DST: variants seen among roughly 807,000 people sequenced by gnomAD.
DST encodes dystonin.
A neutral mutation model predicts 875.2 loss-of-function variants in DST; 253 were observed. That is an observed-to-expected ratio of 0.29 (90% confidence interval 0.26 to 0.32). DST has a LOEUF of 0.32. Ranked by LOEUF, DST falls within the 10% of genes least tolerant of loss-of-function variation. DST has a pLI of 1.00. For synonymous variants in DST, 3,124 were observed against 3,197.1 expected (o/e 0.98, Z 0.77); for missense variants, 8,287 against 9,111.6 (o/e 0.91, Z 3.68).
rs992393429 is a variant in DST at position 56,605,289 on chromosome 6, A to T, written c.9339T>A (p.Thr3113=). ...TATTTGGTTCATCTTTAAGAGTTAC[A>T]GTTGCTTTTTTAAGGCTTCCTTTCT... ...LNQKGSLKKA[T]VTLKDEPNNL... Residue 3113 remains threonine, a synonymous_variant, in exon 40 of 104, where the codon ACT becomes ACA. Transcript: ENST00000680361. 1.9e-6 allele frequency: 3 copies of T among 1,611,502 alleles called. No individual in the cohort carries two copies. Among genetic ancestry groups the T allele is most frequent in the Middle Eastern group, 1.7e-4 (1 of 6,044 alleles).
At chr6:56,480,063 A>C (rs1202695822) in intron 90 of DST, among the ~76,000 whole-genome samples, 1 of 152,182 alleles carries the variant, frequency 6.6e-6, no homozygotes, top group Non-Finnish European at 1.5e-5. Flanking sequence ...AGATTAAAAG[A>C]CTGTGTTTTA....
At chr6:56,811,065 T>C (rs138517902) in intron 4 of DST, among the ~76,000 whole-genome samples, 2,825 of 151,158 alleles carry the variant, frequency 0.019, 77 homozygotes, top group African/African-American at 0.065. Context: ...GCACCTGTAG[T>C]CCCAGCTACT....
chr6:56,816,235 C>T (rs1166637371), intron 4 of DST, among the ~76,000 whole-genome samples: 1 of 152,170 alleles, frequency 6.6e-6, no homozygotes, highest in Non-Finnish European at 1.5e-5. Context: ...GGTTCAATAA[C>T]ATGAGGTAAA....
At position 56,476,223 on chromosome 6, in the gene DST, T is replaced by C. The variant is rs1371340365; in HGVS notation, c.21790A>G (p.Thr7264Ala). 1.2e-6 allele frequency: 2 copies of C among 1,612,644 alleles called. No individual in the cohort carries two copies. The highest frequency in any genetic ancestry group is 1.7e-6 in the Non-Finnish European group (2 of 1,179,304). ...ACTTCTTTATCCTTATCAGTAAGTG[T>C]AGTTTCAGCCCATTGCAACCAAGCC... ...LLAWLQWAET[T>A]LTDKDKEVIP... The change falls in exon 92 of 104, where the codon ACA (threonine) becomes GCA (alanine). Residue 7264 changes from threonine to alanine, a missense_variant. Physicochemically the swap from Thr to Ala is moderately conservative, Grantham distance 58. Around this residue, in one of 10 missense-constraint regions of DST, gnomAD observed 1,292 missense variants for 1,552.7 expected, o/e 0.83. Transcript: ENST00000680361.
intron 2 of DST, among the ~76,000 whole-genome samples, chr6:56,924,977 C>T (rs1052571401): frequency 6.6e-6 from 1 of 152,088 alleles, no homozygotes; most frequent in African/African-American, 2.4e-5. Flanking sequence ...CAGCTTATTC[C>T]TTTTATAATT....
Position 56,509,518 on chromosome 6 carries a change from A to C in DST, c.19012+124T>G, listed in dbSNP as rs2096421256. ...TTTGCATACACAGCCCTTCAACCCT[A>C]AACACATCACATTTGTAGTATCTTT... On this transcript the variant is annotated intron_variant, in intron 74 of 103. Transcript: ENST00000680361. 8 of 731,362 alleles carry C rather than the reference A, an allele frequency of 1.1e-5. No individual in the cohort carries two copies. The East Asian group carries it at 2.2e-4, about 20-fold the overall frequency. The allele number at this position is 731,362 out of a possible 1,614,324, so 45.3% of individuals were successfully genotyped here.
intron 4 of DST, among the ~76,000 whole-genome samples, chr6:56,783,669 T>G (rs895463350): frequency 6.6e-6 from 1 of 152,132 alleles, no homozygotes; most frequent in Non-Finnish European, 1.5e-5. Context: ...GGGTCTTGAC[T>G]CTTGATCCAA....
chr6:56,556,513 T>G (rs1323113341), intron 59 of DST, among the ~76,000 whole-genome samples: 1 of 152,178 alleles, frequency 6.6e-6, no homozygotes, highest in East Asian at 1.9e-4. Context: ...TAGAGGCAAT[T>G]ATTTCTCCCC....
intron 50 of DST, among the ~76,000 whole-genome samples, chr6:56,575,762 G>A (rs1328448222): frequency 6.6e-6 from 1 of 152,090 alleles, no homozygotes; most frequent in Non-Finnish European, 1.5e-5. Flanking sequence ...GACACTAAGA[G>A]AATCTTTTGT....
intron 4 of DST, among the ~76,000 whole-genome samples, chr6:56,828,652 G>A (rs2099783599): frequency 6.6e-6 from 1 of 152,194 alleles, no homozygotes. Flanking sequence ...TTAGTTTAGA[G>A]CTTGCTTTTT....
At chr6:56,948,576 A>C (rs1820814017) in intron 2 of DST, among the ~76,000 whole-genome samples, 1 of 152,182 alleles carries the variant, frequency 6.6e-6, no homozygotes, top group Non-Finnish European at 1.5e-5. Flanking sequence ...TTTCCACTCA[A>C]TATTTTCACA....
chr6:56,604,144 T>C lies in DST; in HGVS notation c.10484A>G (p.Lys3495Arg), dbSNP rs572236661. 2.5e-6 allele frequency: 4 copies of C among 1,586,708 alleles called. No homozygotes were observed. The African/African-American group carries it at 4.0e-5, about 16-fold the overall frequency. ...CTCTGAATATCCATCAGCAAGCAGT[T>C]TGTAGAAAATATTTTCAAGCTGCAG... ...LPLQLENIFYKLLADGYSEKI... is the reference protein window; with the variant it reads ...LPLQLENIFYRLLADGYSEKI... Residue 3495 changes from lysine (K) to arginine (R), a missense_variant, in exon 40 of 104, where the codon AAA (lysine) becomes AGA (arginine). Lys to Arg is a conservative substitution (Grantham distance 26). Around this residue, in one of 10 missense-constraint regions of DST, gnomAD observed 3,138 missense variants for 3,116.6 expected, o/e 1.01. Coordinates refer to ENST00000680361, the MANE Select transcript of DST (RefSeq NM_001374736.1).
rs757629921 is a variant in DST at position 56,629,386 on chromosome 6, A to G, written c.4339T>C (p.Leu1447=). 6 of 1,613,654 alleles carry G rather than the reference A, an allele frequency of 3.7e-6. No homozygotes were observed. The highest frequency in any genetic ancestry group is 5.1e-6 in the Non-Finnish European group (6 of 1,179,750). ...TCACTGATGGCTTTAGCTTTCTGCA[A>G]CTCATCCTCTAAGGCATGGAATACC... ...RQVFHALEDE[L]QKAKAISDEM... Residue 1447 remains leucine (L), a synonymous_variant, in exon 32 of 104, where the codon TTG becomes CTG. Coordinates refer to ENST00000680361, the MANE Select transcript of DST (RefSeq NM_001374736.1).
Position 56,604,442 on chromosome 6 carries a change from A to T in DST, c.10186T>A (p.Ser3396Thr). 1 of 1,609,382 alleles carries T rather than the reference A, an allele frequency of 6.2e-7. No homozygotes were observed. Among genetic ancestry groups the T allele is most frequent in the Non-Finnish European group, 8.5e-7 (1 of 1,177,292 alleles). ...IQNLIKRITT[S>T]QLVNEASTVP... ...GTAGATGCCTCATTTACCAACTGTG[A>T]TGTGGTAATCCTTTTAATTAAATTT... The change falls in exon 40 of 104, where the codon TCA (serine) becomes ACA (threonine). Residue 3396 changes from serine (S) to threonine (T), a missense_variant. Coordinates refer to ENST00000680361, the MANE Select transcript of DST (RefSeq NM_001374736.1).
rs2096799012 is a variant in DST, at chr6:56,526,478, C to T, written c.18012G>A (p.Arg6004=). 2 of 1,613,832 alleles carry T rather than the reference C, an allele frequency of 1.2e-6. No individual in the cohort carries two copies. The highest frequency in any genetic ancestry group is 8.5e-7 in the Non-Finnish European group (1 of 1,179,798). Reference sequence around the variant, plus strand: ...CCATTTTCTCAAGTCCTTCTCTTGCCCTCCATGGTACCAGTTCCAGCAAAG... The same window carrying T: ...CCATTTTCTCAAGTCCTTCTCTTGCTCTCCATGGTACCAGTTCCAGCAAAG... ...SSALLELVPW[R]AREGLEKMVA... The change falls in exon 69 of 104, where the codon AGG becomes AGA. Residue 6004 remains arginine (R), a synonymous_variant. Coordinates refer to ENST00000680361, the MANE Select transcript of DST (RefSeq NM_001374736.1).
At chr6:56,878,362 A>G (rs564089065) in intron 3 of DST, among the ~76,000 whole-genome samples, 1 of 152,292 alleles carries the variant, frequency 6.6e-6, no homozygotes, top group Non-Finnish European at 1.5e-5. Context: ...GACTCTCACC[A>G]AAAGACTCTA....
At chr6:56,797,476 C>T (rs1488955104) in intron 4 of DST, among the ~76,000 whole-genome samples, 2 of 152,186 alleles carry the variant, frequency 1.3e-5, no homozygotes, top group Non-Finnish European at 2.9e-5. Flanking sequence ...AAAAGCAAGG[C>T]CTCTTGCTCC....
chr6:56,836,579 G>A (rs925486237), intron 4 of DST, among the ~76,000 whole-genome samples: 5 of 152,176 alleles, frequency 3.3e-5, no homozygotes, highest in Non-Finnish European at 5.9e-5. Flanking sequence ...GGCCGGGCGC[G>A]GTGGCTCACG....
intron 4 of DST, among the ~76,000 whole-genome samples, chr6:56,774,819 C>T (rs2099674891): frequency 6.6e-6 from 1 of 151,776 alleles, no homozygotes; most frequent in Non-Finnish European, 1.5e-5. Context: ...ATGGAGAAAC[C>T]CCATCTCTAC....
Sources: gnomAD v4.1 joint callset for allele counts (sites outside exome capture counted in the v4.1 genomes callset) on GRCh38, gnomAD v4.1.1 for gene constraint, gnomAD v4.1.1 regional missense constraint, MANE v1.5 for transcripts, NCBI Gene and HGNC (gene_info 2026-07-23, HGNC 2026-07-21) for gene names.